COP1: variants seen among roughly 807,000 people sequenced by gnomAD.
The protein encoded by COP1 is COP1 E3 ubiquitin ligase.
A neutral mutation model predicts 101.3 loss-of-function variants in COP1; 24 were observed. The ratio of observed to expected loss-of-function variants is 0.24; its 90% CI spans 0.17 to 0.33. The LOEUF is 0.33. Among genes scored for constraint, COP1 ranks in the 10% least tolerant of loss-of-function variants. COP1 has a pLI of 1.00. For synonymous variants in COP1, 347 were observed against 341.9 expected (o/e 1.01, Z -0.17); for missense variants, 663 against 906.2 (o/e 0.73, Z 3.45).
At chr1:176,091,124 A>C (rs547851960) in intron 9 of COP1, among the ~76,000 whole-genome samples, 1 of 152,294 alleles carries the variant, frequency 6.6e-6, no homozygotes. Flanking sequence ...ATTTCAGCCT[A>C]AAATTCAGAA....
At chr1:176,094,191 T>C (rs1200990923) in intron 9 of COP1, among the ~76,000 whole-genome samples, 2 of 152,192 alleles carry the variant, frequency 1.3e-5, no homozygotes, top group Admixed American at 6.5e-5. Flanking sequence ...CCAGTTTTTA[T>C]AGTAAACTCA....
chr1:176,133,640 A>G (rs772189227), intron 8 of COP1, among the ~76,000 whole-genome samples: 1 of 151,968 alleles, frequency 6.6e-6, no homozygotes, highest in Non-Finnish European at 1.5e-5. Flanking sequence ...GGCATTCAAT[A>G]AATAGAGCAA....
intron 15 of COP1, among the ~76,000 whole-genome samples, chr1:176,021,083 G>A (rs1666686449): frequency 1.3e-5 from 2 of 152,118 alleles, no homozygotes; most frequent in African/African-American, 4.8e-5. Flanking sequence ...AAAGGCTCAA[G>A]CAATCCCCCT....
At chr1:176,012,415 C>T (rs368063057) in intron 15 of COP1, among the ~76,000 whole-genome samples, 92 of 152,142 alleles carry the variant, frequency 6.0e-4, no homozygotes, top group African/African-American at 2.1e-3. Flanking sequence ...TGTAAGCCAC[C>T]GCACCCAGCC....
chr1:176,062,436 C>T (rs1675036989), intron 11 of COP1, among the ~76,000 whole-genome samples: 1 of 151,940 alleles, frequency 6.6e-6, no homozygotes, highest in African/African-American at 2.4e-5. Context: ...TGAGAAAATG[C>T]CATTACATAC....
At chr1:175,988,193 C>A (rs1218409344) in intron 17 of COP1, 95 bp downstream of exon 17, 5 of 1,199,668 alleles carry the variant, frequency 4.2e-6, no homozygotes, top group South Asian at 3.1e-5. Flanking sequence ...GTGCACAGAC[C>A]ATTTCTTGAC....
intron 9 of COP1, among the ~76,000 whole-genome samples, chr1:176,102,489 G>GAGATCTGACCTAAAC (rs1683585661): frequency 6.6e-6 from 1 of 152,170 alleles, no homozygotes. Flanking sequence ...GACAGTGAAA[G>GAGATCTGACCTAAAC]AGATCTGACC....
At chr1:175,949,163 C>T (rs1649542120) in intron 18 of COP1, among the ~76,000 whole-genome samples, 1 of 6,254 alleles carries the variant, frequency 1.6e-4, no homozygotes, top group African/African-American at 2.4e-4. Flanking sequence ...AGCAAGGCTC[C>T]GTCTCAAAAA....
chr1:176,055,063 A>T (rs188763278), intron 11 of COP1, among the ~76,000 whole-genome samples: 1 of 152,290 alleles, frequency 6.6e-6, no homozygotes, highest in Non-Finnish European at 1.5e-5. Context: ...TCCACAATAG[A>T]GTGATTTTTC....
Position 176,058,194 on chromosome 1 carries a change from C to G in COP1, c.1278-11870G>C, listed in dbSNP as rs1247594544. ...CCCGCCCGGTAGGGAGGGGGGGGGT[C>G]AGCCCCTGCCCAGCCGCCCCTTCTG... On this transcript the variant is annotated intron_variant, in intron 11 of 19. Transcript: ENST00000367669. 4.6e-5 allele frequency among the ~76,000 whole-genome samples: 5 copies of G among 108,974 alleles called. No homozygotes were observed. The East Asian group carries it at 1.5e-3, about 33-fold the overall frequency. 71.5% of individuals were successfully genotyped at this position (108,974 alleles called of 152,430 possible).
intron 15 of COP1, among the ~76,000 whole-genome samples, chr1:176,017,784 C>T (rs1665935586): frequency 6.6e-6 from 1 of 152,314 alleles, no homozygotes; most frequent in East Asian, 1.9e-4. Context: ...CTCGGCCTCC[C>T]AAAGTGCTGG....
Position 176,159,619 on chromosome 1 carries a change from T to G in COP1, c.762+3250A>C, listed in dbSNP as rs139676046. On this transcript the variant is annotated intron_variant, in intron 5 of 19. Transcript: ENST00000367669. ...TTTCTGAAACAGATTACTATAAGAA[T>G]TTAAAATAAATAAACCAAATCTACA... 2.6e-3 allele frequency among the ~76,000 whole-genome samples: 398 copies of G among 152,236 alleles called. 3 individuals are homozygous for G. The highest frequency in any genetic ancestry group is 9.2e-3 in the African/African-American group (380 of 41,530).
intron 11 of COP1, among the ~76,000 whole-genome samples, chr1:176,063,047 G>GTTTTTTTTTTTT (rs34464104): frequency 9.9e-5 from 9 of 90,606 alleles, no homozygotes; most frequent in South Asian, 4.1e-4. Flanking sequence ...TTTTGAAAAT[G>GTTTTTTTTTTTT]TTTTTTTTTT....
intron 6 of COP1, among the ~76,000 whole-genome samples, chr1:176,138,307 T>C (rs540402938): frequency 5.9e-5 from 9 of 152,206 alleles, no homozygotes; most frequent in South Asian, 4.2e-4. Context: ...ACACCAATGT[T>C]AAAGAGATGG....
intron 3 of COP1, among the ~76,000 whole-genome samples, chr1:176,174,007 A>AAAAAAAAAAAAAAAAAAAAAAAAG (rs1456552067): frequency 8.2e-6 from 1 of 121,932 alleles, no homozygotes; most frequent in Non-Finnish European, 1.8e-5. Flanking sequence ...AAAAAAAAAA[A>AAAAAAAAAAAAAAAAAAAAAAAAG]AGAGAATATA....
intron 8 of COP1, among the ~76,000 whole-genome samples, chr1:176,120,440 A>T (rs1452536147): frequency 1.3e-5 from 2 of 152,162 alleles, no homozygotes; most frequent in African/African-American, 4.8e-5. Flanking sequence ...AAAATAAAAA[A>T]AAAAAGCTTA....
At chr1:176,128,950 C>T (rs1688472680) in intron 8 of COP1, among the ~76,000 whole-genome samples, 1 of 151,884 alleles carries the variant, frequency 6.6e-6, no homozygotes, top group Non-Finnish European at 1.5e-5. Context: ...CACTTTTCAT[C>T]TACTATATAA....
chr1:176,089,368 T>C (rs1405424982), intron 9 of COP1, among the ~76,000 whole-genome samples: 1 of 151,958 alleles, frequency 6.6e-6, no homozygotes, highest in East Asian at 1.9e-4. Context: ...GGCAATAATA[T>C]ACACATGCCA....
At position 176,058,745 on chromosome 1, in the gene COP1, A is replaced by G. The variant is rs572346530; in HGVS notation, c.1278-12421T>C. Among the ~76,000 whole-genome samples, 36 of 148,308 alleles carry G rather than the reference A, an allele frequency of 2.4e-4. 1 individual carries two copies. The East Asian group carries it at 2.9e-3, about 12-fold the overall frequency. On this transcript the variant is annotated intron_variant, in intron 11 of 19. Coordinates refer to ENST00000367669, the MANE Select transcript of COP1 (RefSeq NM_022457.7). ...TCCCCCTCTGCGAGAAACACCCAAG[A>G]ATGATCAATAAAAAAAAAAAAAAAA...
Sources: gnomAD v4.1 joint callset for allele counts (sites outside exome capture counted in the v4.1 genomes callset) on GRCh38, gnomAD v4.1.1 for gene constraint, MANE v1.5 for transcripts, NCBI Gene and HGNC (gene_info 2026-07-23, HGNC 2026-07-21) for gene names.